Variants in ADK observed in about 807,000 individuals in gnomAD.
The protein encoded by ADK is adenosine kinase, also known as N6,N6-dimethyladenosine kinase.
In ADK, 24 loss-of-function variants were observed where a neutral mutation model predicts 44.7. The observed-to-expected ratio is 0.54, with a 90% CI of 0.39 to 0.76. ADK has a LOEUF of 0.76. Ranked by LOEUF, ADK falls within the 30% of genes least tolerant of loss-of-function variation. The pLI is 0.00. For synonymous variants in ADK, 128 were observed against 142.6 expected, an observed-to-expected ratio of 0.90 and a Z score of 0.73; for missense variants, 321 against 425.1, an observed-to-expected ratio of 0.76 and a Z score of 2.15.
intron 3 of ADK, among the ~76,000 whole-genome samples, chr10:74,232,113 A>G (rs1844789008): frequency 6.6e-6 from 1 of 152,118 alleles, no homozygotes; most frequent in African/African-American, 2.4e-5. Flanking sequence ...CTTTTGCTGA[A>G]CTTTTAATTG....
intron 7 of ADK, among the ~76,000 whole-genome samples, chr10:74,555,518 G>C (rs539352129): frequency 6.6e-6 from 1 of 151,336 alleles, no homozygotes; most frequent in East Asian, 1.9e-4. Flanking sequence ...GGCCAAGGTG[G>C]AAGGATCCCT....
At chr10:74,379,299 G>T (rs556385862) in intron 4 of ADK, among the ~76,000 whole-genome samples, 1 of 152,312 alleles carries the variant, frequency 6.6e-6, no homozygotes, top group Non-Finnish European at 1.5e-5. Context: ...ATGAAAAGTG[G>T]TTGAAATCTG....
rs374452379 is a variant in ADK at position 74,493,630 on chromosome 10, C to T, written c.556-31626C>T. ...AAATCCTGGGCTCAAGTGATCCACC[C>T]ACCTCAGCCTCCCAAATAATACATT... On this transcript the variant is annotated intron_variant, in intron 6 of 10. Coordinates refer to ENST00000539909, the MANE Select transcript of ADK (RefSeq NM_006721.4). Among the ~76,000 whole-genome samples the T allele has an allele frequency of 3.9e-5, 6 of 151,984 alleles. No homozygotes were observed. In the South Asian group the frequency reaches 1.2e-3, roughly 32 times the overall value.
At chr10:74,495,576 G>T (rs1364024847) in intron 6 of ADK, among the ~76,000 whole-genome samples, 1 of 152,078 alleles carries the variant, frequency 6.6e-6, no homozygotes, top group Non-Finnish European at 1.5e-5. Flanking sequence ...TCAGGAAAAG[G>T]GTCAGAAGGG....
intron 7 of ADK, among the ~76,000 whole-genome samples, chr10:74,529,883 A>G (rs1351576082): frequency 6.6e-6 from 1 of 152,220 alleles, no homozygotes; most frequent in Admixed American, 6.5e-5. Context: ...TTATTGAAGC[A>G]GTCTCAAAAG....
At chr10:74,630,484 T>C (rs867152618) in intron 9 of ADK, among the ~76,000 whole-genome samples, 4 of 152,182 alleles carry the variant, frequency 2.6e-5, no homozygotes, top group African/African-American at 9.6e-5. Flanking sequence ...AGTTATTTTA[T>C]AGAATGTCTC....
intron 7 of ADK, among the ~76,000 whole-genome samples, chr10:74,555,675 T>C (rs1564789943): frequency 2.6e-5 from 4 of 152,062 alleles, no homozygotes; most frequent in Admixed American, 2.6e-4. Flanking sequence ...TATACTGTTA[T>C]GAATATCTTA....
At chr10:74,474,217 A>G (rs1846723853) in intron 6 of ADK, among the ~76,000 whole-genome samples, 1 of 152,052 alleles carries the variant, frequency 6.6e-6, no homozygotes, top group Admixed American at 6.6e-5. Context: ...TCTGGGCTCA[A>G]GTGATCTACC....
intron 1 of ADK, among the ~76,000 whole-genome samples, chr10:74,188,923 C>A (rs1410764672): frequency 6.6e-6 from 1 of 151,974 alleles, no homozygotes; most frequent in East Asian, 1.9e-4. Context: ...TAGGCGTGCA[C>A]CACCACGCCA....
chr10:74,617,477 T>C (rs1852812934), intron 9 of ADK, among the ~76,000 whole-genome samples: 1 of 152,240 alleles, frequency 6.6e-6, no homozygotes, highest in African/African-American at 2.4e-5. Context: ...CCTTTTTTCT[T>C]TTAATGTGTG....
chr10:74,248,338 G>T (rs1201969632), intron 3 of ADK, among the ~76,000 whole-genome samples: 2 of 151,976 alleles, frequency 1.3e-5, no homozygotes, highest in Non-Finnish European at 2.9e-5. Flanking sequence ...TAGATGGAGG[G>T]TTAATTGGGT....
chr10:74,195,707 C>CTTTTTTTTTTTTTTTT (rs71475265), intron 1 of ADK, among the ~76,000 whole-genome samples: 42 of 97,508 alleles, frequency 4.3e-4, no homozygotes, highest in Non-Finnish European at 5.6e-4. Flanking sequence ...TCTTTTCTTT[C>CTTTTTTTTTTTTTTTT]TTTTTTTTTT....
chr10:74,674,485 A>C (rs2067500847), intron 10 of ADK, among the ~76,000 whole-genome samples: 2 of 151,898 alleles, frequency 1.3e-5, no homozygotes, highest in South Asian at 4.1e-4. Flanking sequence ...AATACAGAAA[A>C]TTAGCTGGTC....
intron 7 of ADK, among the ~76,000 whole-genome samples, chr10:74,538,493 A>T (rs1849528619): frequency 6.6e-6 from 1 of 152,230 alleles, no homozygotes. Flanking sequence ...AGTGAGCAAA[A>T]TTCTGCAGTT....
At chr10:74,547,921 G>A (rs779132443) in intron 7 of ADK, among the ~76,000 whole-genome samples, 1 of 152,114 alleles carries the variant, frequency 6.6e-6, no homozygotes, top group Non-Finnish European at 1.5e-5. Context: ...GCCTCCCAAA[G>A]TGCTGGGATT....
Position 74,602,206 on chromosome 10 carries a change from A to G in ADK, c.877+1713A>G, listed in dbSNP as rs112973646. ...CTAGCAATCTTTTATTGTGATGGCA[A>G]GAAGAACCACCTTGTTAATTTGTAC... On this transcript the variant is annotated intron_variant, in intron 9 of 10. Coordinates refer to ENST00000539909, the MANE Select transcript of ADK (RefSeq NM_006721.4). Among the ~76,000 whole-genome samples, 412 of 152,164 alleles carry G rather than the reference A, an allele frequency of 2.7e-3. 3 individuals are homozygous for G. Among genetic ancestry groups the G allele is most frequent in the African/African-American group, 9.5e-3 (393 of 41,526 alleles).
chr10:74,408,765 A>G (rs1844055845), intron 6 of ADK, among the ~76,000 whole-genome samples: 1 of 152,178 alleles, frequency 6.6e-6, no homozygotes, highest in South Asian at 2.1e-4. Flanking sequence ...ATGAAAATAT[A>G]TTATTATTCA....
chr10:74,327,234 C>CA (rs1461930712), intron 4 of ADK, among the ~76,000 whole-genome samples: 2 of 151,972 alleles, frequency 1.3e-5, no homozygotes, highest in Non-Finnish European at 2.9e-5. Flanking sequence ...GGCATTGTTT[C>CA]AAAAAATCTT....
At chr10:74,420,956 G>A (rs1045485295) in intron 6 of ADK, among the ~76,000 whole-genome samples, 7 of 152,118 alleles carry the variant, frequency 4.6e-5, no homozygotes, top group Non-Finnish European at 8.8e-5. Context: ...GTTCTGTATG[G>A]TACTGTGGTG....
Sources: gnomAD v4.1 joint callset for allele counts (sites outside exome capture counted in the v4.1 genomes callset) on GRCh38, gnomAD v4.1.1 for gene constraint, MANE v1.5 for transcripts, NCBI Gene and HGNC (gene_info 2026-07-23, HGNC 2026-07-21) for gene names.